THNSL1: variants seen among roughly 807,000 people sequenced by gnomAD.
THNSL1 encodes the protein threonine synthase-like 1.
A neutral mutation model predicts 50.4 loss-of-function variants in THNSL1; 48 were observed. The observed-to-expected ratio is 0.95, with a 90% CI of 0.76 to 1.21. The LOEUF is 1.21. Ranked by LOEUF, THNSL1 falls within the 50% of genes most tolerant of loss-of-function variation. The probability of loss-of-function intolerance (pLI) is 0.00; values close to 1 mark genes in which losing one functional copy is unlikely to be tolerated. For missense variants in THNSL1, 896 were observed against 871.7 expected, an observed-to-expected ratio of 1.03 and a Z score of -0.35; for synonymous variants, 309 against 306.1, an observed-to-expected ratio of 1.01 and a Z score of -0.10.
chr10:25,016,032 T>G, upstream of THNSL1: 2 of 1,492,538 alleles, frequency 1.3e-6, no homozygotes, highest in South Asian at 1.4e-5. Context: ...CCTTTCTTTC[T>G]TCTTCGCCTT....
At position 25,023,742 on chromosome 10, in the gene THNSL1, T is replaced by C. The variant is rs116037906; in HGVS notation, c.519T>C (p.Ile173=). ...CRLKLMKTDR[I]VGQNSGTSMK... is the part of the protein sequence containing the mutation. ...TAAAATTAATGAAGACAGATAGGAT[T>C]GTAGGTCAGAATTCTGGAACATCTA... Residue 173 remains isoleucine (I), a synonymous_variant, in exon 3 of 3, where the codon ATT becomes ATC. Transcript: ENST00000376356. The C allele has an allele frequency of 9.8e-5, 158 of 1,613,952 alleles. No homozygotes were observed. In the African/African-American group the frequency reaches 1.9e-3, roughly 19 times the overall value.
intron 1 of THNSL1, 109 bp downstream of exon 1, chr10:25,016,801 G>C (rs1044429103): frequency 6.6e-6 from 1 of 152,544 alleles, no homozygotes; most frequent in Non-Finnish European, 1.5e-5. Context: ...TGAGTTATTG[G>C]AGGAGAAAGG....
At chr10:24,987,590 T>G in the THNSL1 span, among the ~76,000 whole-genome samples, 1 of 152,046 alleles carries the variant, frequency 6.6e-6, no homozygotes, top group African/African-American at 2.4e-5. Flanking sequence ...CTGTCTCAAA[T>G]AAATACATAA....
chr10:24,982,986 T>C, the THNSL1 span: 1 of 152,184 alleles, frequency 6.6e-6, no homozygotes, highest in Non-Finnish European at 1.5e-5. Flanking sequence ...TGCTACTGAT[T>C]TTGAATTATT....
intron 1 of THNSL1, among the ~76,000 whole-genome samples, chr10:25,017,528 TTTAG>T (rs112012563): frequency 0.02 from 3,078 of 152,226 alleles, 85 homozygotes; most frequent in African/African-American, 0.068. Context: ...TGGTGAACCT[TTTAG>T]TTCCTGTATA....
chr10:24,987,035 G>T, the THNSL1 span, among the ~76,000 whole-genome samples: 1 of 152,160 alleles, frequency 6.6e-6, no homozygotes, highest in Non-Finnish European at 1.5e-5. Context: ...TCCACCTTGT[G>T]GGGTGCTCCC....
At chr10:25,017,857 ACCT>A (rs1010808691) in intron 1 of THNSL1, among the ~76,000 whole-genome samples, 14 of 151,746 alleles carry the variant, frequency 9.2e-5, no homozygotes, top group African/African-American at 2.9e-4. Flanking sequence ...TTGGCGGGAA[ACCT>A]CCTGTATGTA....
At chr10:24,996,225 C>A in the THNSL1 span, among the ~76,000 whole-genome samples, 1 of 152,184 alleles carries the variant, frequency 6.6e-6, no homozygotes, top group Admixed American at 6.5e-5. Context: ...GAGTCTGAGA[C>A]CAGTCTCGGC....
chr10:24,967,829 T>C, the THNSL1 span, among the ~76,000 whole-genome samples: 1 of 151,910 alleles, frequency 6.6e-6, no homozygotes, highest in Non-Finnish European at 1.5e-5. Context: ...ATGTATATGA[T>C]GTGTGTATGT....
At chr10:24,984,523 A>G in the THNSL1 span, 5 of 1,191,532 alleles carry the variant, frequency 4.2e-6, no homozygotes, top group Admixed American at 1.5e-4. Context: ...TTAATAGTTT[A>G]TATGTGGAAA....
chr10:25,022,592 A>G (rs867350563), intron 2 of THNSL1, among the ~76,000 whole-genome samples: 4 of 152,334 alleles, frequency 2.6e-5, no homozygotes, highest in South Asian at 2.1e-4. Context: ...AGTTTGGAAA[A>G]CTAAGCATTT....
upstream of THNSL1, among the ~76,000 whole-genome samples, chr10:25,014,504 T>G (rs1850521514): frequency 6.6e-6 from 1 of 151,894 alleles, no homozygotes; most frequent in Non-Finnish European, 1.5e-5. Context: ...TAAAGACTGT[T>G]CCTATAAATT....
chr10:24,990,504 T>TA, the THNSL1 span: 1 of 1,613,800 alleles, frequency 6.2e-7, no homozygotes, highest in African/African-American at 1.3e-5. Flanking sequence ...AGCCTTTTCA[T>TA]AGCTGCTTTC....
chr10:24,980,202 A>G, the THNSL1 span, among the ~76,000 whole-genome samples: 5 of 152,020 alleles, frequency 3.3e-5, no homozygotes, highest in African/African-American at 9.6e-5. Flanking sequence ...TTTCCTCCTC[A>G]TCTTCAGCTT....
chr10:24,967,198 A>G, the THNSL1 span, among the ~76,000 whole-genome samples: 2 of 151,684 alleles, frequency 1.3e-5, no homozygotes, highest in African/African-American at 2.4e-5. Context: ...GTGTGTGTGC[A>G]TGTACATGTG....
At chr10:24,962,409 A>G in the THNSL1 span, among the ~76,000 whole-genome samples, 1 of 152,230 alleles carries the variant, frequency 6.6e-6, no homozygotes, top group East Asian at 1.9e-4. Flanking sequence ...TTGGAATATA[A>G]AGGACAACAA....
At chr10:24,964,648 A>C in the THNSL1 span, among the ~76,000 whole-genome samples, 1 of 152,244 alleles carries the variant, frequency 6.6e-6, no homozygotes, top group Non-Finnish European at 1.5e-5. Flanking sequence ...ATATAAAGGA[A>C]AATGACTCTT....
chr10:25,020,913 C>A (rs1850706803), intron 1 of THNSL1, among the ~76,000 whole-genome samples: 1 of 152,038 alleles, frequency 6.6e-6, no homozygotes, highest in Non-Finnish European at 1.5e-5. Context: ...TATGTAAGTG[C>A]CCTAAAAGCA....
chr10:24,991,073 GGTGTCAGA>G, the THNSL1 span, among the ~76,000 whole-genome samples: 3 of 152,134 alleles, frequency 2.0e-5, no homozygotes, highest in Admixed American at 2.0e-4. Flanking sequence ...CTCCAGCCTG[GGTGTCAGA>G]GTGTGACTCC....
Sources: gnomAD v4.1 joint callset for allele counts (sites outside exome capture counted in the v4.1 genomes callset) on GRCh38, gnomAD v4.1.1 for gene constraint, MANE v1.5 for transcripts, NCBI Gene and HGNC (gene_info 2026-07-23, HGNC 2026-07-21) for gene names.